GID8: variants seen among roughly 807,000 people sequenced by gnomAD.
GID8 encodes the protein GID complex subunit 8 homolog.
A neutral mutation model predicts 27.4 loss-of-function variants in GID8; 6 were observed. The ratio of observed to expected loss-of-function variants is 0.22; its 90% CI spans 0.12 to 0.43. GID8 has a LOEUF of 0.43. GID8 is among the 20% of genes least tolerant of loss of function. GID8 has a pLI of 1.00. For synonymous variants in GID8, 112 were observed against 109.0 expected (o/e 1.03, Z -0.17); for missense variants, 173 against 287.6 (o/e 0.60, Z 2.88).
At position 62,945,241 on chromosome 20, in the gene GID8, G is replaced by T; in HGVS notation, c.*329G>T. 1 of 1,067,776 alleles carries T rather than the reference G, an allele frequency of 9.4e-7. No individual in the cohort carries two copies. Among genetic ancestry groups the T allele is most frequent in the Non-Finnish European group, 1.1e-6 (1 of 881,312 alleles). 66.1% of individuals were successfully genotyped at this position (1,067,776 alleles called of 1,614,324 possible). A position where few individuals can be genotyped will look rare whatever the true frequency, so the allele number is the denominator to read the frequency against. On this transcript the variant is annotated 3_prime_UTR_variant, in exon 5 of 5. Coordinates refer to ENST00000266069, the MANE Select transcript of GID8 (RefSeq NM_017896.3). ...TCTACCACGGAGGGCTGTGCTGTTAGGCTGCATCCCACTCAAAATACAGGA... is the reference window on the plus strand; with the variant it reads ...TCTACCACGGAGGGCTGTGCTGTTATGCTGCATCCCACTCAAAATACAGGA...
At chr20:62,942,393 A>AG (rs1568902883) in intron 2 of GID8, among the ~76,000 whole-genome samples, 3 of 152,296 alleles carry the variant, frequency 2.0e-5, no homozygotes, top group Non-Finnish European at 1.5e-5. Flanking sequence ...CGGAGGTTGC[A>AG]GTGAGCCAAG....
rs1347926689 is a variant in GID8 at position 62,946,986 on chromosome 20, C to T, written c.*2074C>T. 6.6e-6 allele frequency: 1 copy of T among 152,218 alleles called. No individual in the cohort carries two copies. Among genetic ancestry groups the T allele is most frequent in the Non-Finnish European group, 1.5e-5 (1 of 68,046 alleles). The allele number at this position is 152,218 out of a possible 1,614,324, so 9.4% of individuals were successfully genotyped here. ...AGAAGCACAGCAATAGGAAGTCTCTCCACAAACTAGGGGAACACAAATGGG... is the reference window on the plus strand; with the variant it reads ...AGAAGCACAGCAATAGGAAGTCTCTTCACAAACTAGGGGAACACAAATGGG... On this transcript the variant is annotated 3_prime_UTR_variant, in exon 5 of 5. Coordinates refer to ENST00000266069, the MANE Select transcript of GID8 (RefSeq NM_017896.3).
chr20:62,944,989 A>G lies in GID8; in HGVS notation c.*77A>G. On this transcript the variant is annotated 3_prime_UTR_variant, in exon 5 of 5. Coordinates refer to ENST00000266069, the MANE Select transcript of GID8 (RefSeq NM_017896.3). ...CCTCAGATCAGCCTGCGACTGCAAG[A>G]TTCTTACTGCAGTAGAGAACTCTTT... 6.6e-7 allele frequency: 1 copy of G among 1,506,722 alleles called. No individual in the cohort carries two copies. The highest frequency in any genetic ancestry group is 2.4e-5 in the Admixed American group (1 of 41,886). The allele number at this position is 1,506,722 out of a possible 1,614,324, so 93.3% of individuals were successfully genotyped here.
rs778161387 is a variant in GID8 at position 62,943,696 on chromosome 20, G to A, written c.513+4G>A. On this transcript the variant is annotated splice_donor_region_variant and intron_variant, in intron 4 of 4. Coordinates refer to ENST00000266069, the MANE Select transcript of GID8 (RefSeq NM_017896.3). The surrounding 1 kb of genome is among the most constrained non-coding windows in gnomAD (Gnocchi z 4.7). Reference sequence around the variant, plus strand: ...CCACACCATGCAGAGGCAGAAGGTGGGGCCTGCCAGAGGGAAGCTTTCTTC... The same window carrying A: ...CCACACCATGCAGAGGCAGAAGGTGAGGCCTGCCAGAGGGAAGCTTTCTTC... 2 of 1,609,598 alleles carry A rather than the reference G, an allele frequency of 1.2e-6. No homozygotes were observed. The highest frequency in any genetic ancestry group is 8.5e-7 in the Non-Finnish European group (1 of 1,176,666).
At chr20:62,938,431 C>T (rs1429866727) in intron 1 of GID8, among the ~76,000 whole-genome samples, 178 bp downstream of exon 1, 3 of 151,988 alleles carry the variant, frequency 2.0e-5, no homozygotes, top group Non-Finnish European at 4.4e-5. Context: ...GACGGCCGCC[C>T]CGCGCCGGTG....
At position 62,943,373 on chromosome 20, in the gene GID8, A is replaced by G; in HGVS notation, c.316-122A>G. The stretch of plus-strand genomic sequence containing the variant: ...TTTGTTTTAAAAATGCAAATTTGAT[A>G]ACTCAGAGATGCAAGAAAAGTCTTC... On this transcript the variant is annotated intron_variant, in intron 3 of 4. Coordinates refer to ENST00000266069, the MANE Select transcript of GID8 (RefSeq NM_017896.3). The surrounding 1 kb of genome is among the most constrained non-coding windows in gnomAD (Gnocchi z 4.7). 1 of 1,053,700 alleles carries G rather than the reference A, an allele frequency of 9.5e-7. No homozygotes were observed. The highest frequency in any genetic ancestry group is 1.6e-5 in the African/African-American group (1 of 62,686). The allele number at this position is 1,053,700 out of a possible 1,614,324, so 65.3% of individuals were successfully genotyped here. A position where few individuals can be genotyped will look rare whatever the true frequency, so the allele number is the denominator to read the frequency against.
chr20:62,944,542 C>T (rs2065457218), intron 4 of GID8, among the ~76,000 whole-genome samples, 197 bp from the exon 5 acceptor site: 1 of 152,198 alleles, frequency 6.6e-6, no homozygotes, highest in African/African-American at 2.4e-5. Flanking sequence ...TTGCTCATGG[C>T]ACTTAACTGC....
At chr20:62,940,207 C>CG (rs11481913) in intron 1 of GID8, among the ~76,000 whole-genome samples, 85,154 of 140,212 alleles carry the variant, frequency 0.61, 27,706 homozygotes, top group Non-Finnish European at 0.7. Flanking sequence ...TTTTTTGAGA[C>CG]GGAGTCTCGC....
chr20:62,940,277 C>T (rs1290971784), intron 1 of GID8, among the ~76,000 whole-genome samples: 1 of 151,272 alleles, frequency 6.6e-6, no homozygotes, highest in Non-Finnish European at 1.5e-5. Context: ...CTCCACCTCC[C>T]GGGTTCACGC....
chr20:62,940,041 T>C (rs2065434257), intron 1 of GID8, among the ~76,000 whole-genome samples: 1 of 152,102 alleles, frequency 6.6e-6, no homozygotes, highest in Admixed American at 6.5e-5. Context: ...TTTCATGCCC[T>C]TATTTAAAAA....
In GID8 at chr20:62,945,132, G is replaced by A; in HGVS notation, c.*220G>A. On this transcript the variant is annotated 3_prime_UTR_variant, in exon 5 of 5. Transcript: ENST00000266069. The stretch of plus-strand genomic sequence containing the variant: ...TCTTTGGCAGTCTGATGCAGAGCCT[G>A]CACTCTGGCACTCGCTGAAGAATCT... 7.5e-7 allele frequency: 1 copy of A among 1,340,130 alleles called. No individual in the cohort carries two copies. The highest frequency in any genetic ancestry group is 9.6e-7 in the Non-Finnish European group (1 of 1,045,024). The allele number at this position is 1,340,130 out of a possible 1,614,324, so 83.0% of individuals were successfully genotyped here. A position where few individuals can be genotyped will look rare whatever the true frequency, so the allele number is the denominator to read the frequency against.
rs1258043649 is a variant in GID8 at position 62,946,708 on chromosome 20, A to G, written c.*1796A>G. 6.6e-6 allele frequency: 1 copy of G among 152,112 alleles called. No individual in the cohort carries two copies. The highest frequency in any genetic ancestry group is 1.5e-5 in the Non-Finnish European group (1 of 68,052). 9.4% of individuals were successfully genotyped at this position (152,112 alleles called of 1,614,324 possible). A position where few individuals can be genotyped will look rare whatever the true frequency, so the allele number is the denominator to read the frequency against. On this transcript the variant is annotated 3_prime_UTR_variant, in exon 5 of 5. Transcript: ENST00000266069. ...TCCAACTACCACTCTCCCAGATGTG[A>G]CCCTTGCGATTATTTCCTCTGAGGT...
Position 62,945,612 on chromosome 20 carries a change from A to G in GID8, c.*700A>G. The G allele has an allele frequency of 1.7e-6, 2 of 1,166,826 alleles. No homozygotes were observed. Among genetic ancestry groups the G allele is most frequent in the South Asian group, 3.3e-5 (2 of 59,816 alleles). 72.3% of individuals were successfully genotyped at this position (1,166,826 alleles called of 1,614,324 possible). On this transcript the variant is annotated 3_prime_UTR_variant, in exon 5 of 5. Coordinates refer to ENST00000266069, the MANE Select transcript of GID8 (RefSeq NM_017896.3). Reference sequence around the variant, plus strand: ...CTTCTGGGCAGTTTTGTTGAAAATAAAGGTTTCTCTTTGATTTCAAGAATG... The same window carrying G: ...CTTCTGGGCAGTTTTGTTGAAAATAGAGGTTTCTCTTTGATTTCAAGAATG...
intron 4 of GID8, among the ~76,000 whole-genome samples, chr20:62,944,389 G>T (rs570019289): frequency 6.6e-6 from 1 of 152,254 alleles, no homozygotes; most frequent in South Asian, 2.1e-4. Context: ...CGGGGGCTCT[G>T]TCCTCCCTAC....
intron 2 of GID8, among the ~76,000 whole-genome samples, chr20:62,942,683 A>T (rs1324915073): frequency 6.6e-6 from 1 of 152,152 alleles, no homozygotes; most frequent in African/African-American, 2.4e-5. Context: ...GTCTGGACCT[A>T]TTATCTGTCC....
chr20:62,944,671 T>C, intron 4 of GID8, 68 bp from the exon 5 acceptor site: 3 of 1,107,156 alleles, frequency 2.7e-6, no homozygotes, highest in Non-Finnish European at 4.1e-6. Flanking sequence ...TTAAACTGCC[T>C]CTTTTTAATA....
chr20:62,944,719 CA>C lies in GID8; in HGVS notation c.514-19del. On this transcript the variant is annotated intron_variant, in intron 4 of 4. Coordinates refer to ENST00000266069, the MANE Select transcript of GID8 (RefSeq NM_017896.3). ...GCTCTGCGTGTATGGTGGTTTTTATCAGATGTATTTATATTCTAGGTGTGGA... is the reference window on the plus strand; with the variant it reads ...GCTCTGCGTGTATGGTGGTTTTTATCGATGTATTTATATTCTAGGTGTGGA... 9 of 1,553,832 alleles carry C rather than the reference CA, an allele frequency of 5.8e-6. No homozygotes were observed. The highest frequency in any genetic ancestry group is 8.0e-6 in the Non-Finnish European group (9 of 1,125,344).
At chr20:62,944,700 C>T (rs762988292) in intron 4 of GID8, 39 bp from the exon 5 acceptor site, 6 of 1,378,814 alleles carry the variant, frequency 4.4e-6, no homozygotes, top group South Asian at 2.3e-5. Context: ...TGGTGCTCTG[C>T]GTGTATGGTG....
In GID8 at chr20:62,947,480, T is replaced by G. The variant is rs979053912; in HGVS notation, c.*2568T>G. 3.9e-5 allele frequency: 6 copies of G among 152,614 alleles called. No homozygotes were observed. Among genetic ancestry groups the G allele is most frequent in the Non-Finnish European group, 8.8e-5 (6 of 68,034 alleles). The allele number at this position is 152,614 out of a possible 1,614,324, so 9.5% of individuals were successfully genotyped here. ...AAAAATGGCACATTTTACAAAGTAG[T>G]TTATTCTTATTATACTTTCTGCTGG... On this transcript the variant is annotated 3_prime_UTR_variant, in exon 5 of 5. Coordinates refer to ENST00000266069, the MANE Select transcript of GID8 (RefSeq NM_017896.3).
Sources: allele counts gnomAD v4.1 joint callset (sites outside exome capture counted in the v4.1 genomes callset), GRCh38; gene constraint gnomAD v4.1.1; non-coding constraint Gnocchi (gnomAD v3.1); transcripts MANE v1.5; gene names NCBI Gene and HGNC (gene_info 2026-07-23, HGNC 2026-07-21).